The following RAB38 variants were observed in gnomAD, a reference collection of about 807,000 sequenced individuals.
RAB38 encodes the protein RAB38, member RAS oncogene family.
In RAB38, 15 loss-of-function variants were observed where a neutral mutation model predicts 18.4. The observed-to-expected ratio is 0.82, with a 90% CI of 0.55 to 1.26. RAB38 has a LOEUF of 1.26. Ranked by LOEUF, RAB38 falls within the 50% of genes most tolerant of loss-of-function variation. The pLI, the probability that RAB38 is intolerant of heterozygous loss-of-function variation, is 0.00. For missense variants in RAB38, 294 were observed against 267.4 expected (o/e 1.10, Z -0.69); for synonymous variants, 101 against 104.4 (o/e 0.97, Z 0.20).
At chr11:88,134,647 C>T (rs973879533) in intron 2 of RAB38, among the ~76,000 whole-genome samples, 2 of 152,192 alleles carry the variant, frequency 1.3e-5, no homozygotes, top group Non-Finnish European at 2.9e-5. Context: ...AATCCTGTGT[C>T]TGAAGAACAT....
the RAB38 span, among the ~76,000 whole-genome samples, chr11:87,869,010 C>T: frequency 8.6e-4 from 130 of 151,820 alleles, no homozygotes; most frequent in African/African-American, 2.8e-3. Flanking sequence ...AACAGACTGC[C>T]GTGACTTTCT....
At chr11:87,856,456 C>T in the RAB38 span, among the ~76,000 whole-genome samples, 24 of 152,220 alleles carry the variant, frequency 1.6e-4, no homozygotes, top group African/African-American at 5.1e-4. Flanking sequence ...TATTTATTAA[C>T]GTAAGCCACA....
chr11:88,138,231 C>A (rs781446355), intron 2 of RAB38, among the ~76,000 whole-genome samples: 3 of 152,066 alleles, frequency 2.0e-5, no homozygotes, highest in African/African-American at 7.2e-5. Context: ...CTAGTCTCAA[C>A]AGAATAAACA....
the RAB38 span, among the ~76,000 whole-genome samples, chr11:88,021,355 T>C: frequency 1.3e-5 from 2 of 152,146 alleles, no homozygotes; most frequent in East Asian, 1.9e-4. Context: ...GATAAATTCC[T>C]AGACACATAC....
At chr11:87,940,702 G>A in the RAB38 span, among the ~76,000 whole-genome samples, 1 of 152,054 alleles carries the variant, frequency 6.6e-6, no homozygotes, top group African/African-American at 2.4e-5. Flanking sequence ...AGAGTGTAGT[G>A]GTGAAATCTT....
chr11:87,976,778 ATATAT>A, the RAB38 span, among the ~76,000 whole-genome samples: 1 of 92,194 alleles, frequency 1.1e-5, no homozygotes, highest in Admixed American at 1.3e-4. Flanking sequence ...ATATATATTT[ATATAT>A]TATATAATAT....
the RAB38 span, among the ~76,000 whole-genome samples, chr11:88,042,007 C>T: frequency 1.1e-4 from 17 of 152,196 alleles, no homozygotes; most frequent in Non-Finnish European, 2.4e-4. Context: ...CTCCCAAAAC[C>T]CACAACTCAG....
the RAB38 span, among the ~76,000 whole-genome samples, chr11:87,839,111 G>T: frequency 6.6e-6 from 1 of 152,154 alleles, no homozygotes; most frequent in African/African-American, 2.4e-5. Context: ...GGAGCCTAGC[G>T]AAAGATCCTT....
At chr11:88,051,760 T>C in the RAB38 span, among the ~76,000 whole-genome samples, 1 of 152,138 alleles carries the variant, frequency 6.6e-6, no homozygotes, top group South Asian at 2.1e-4. Flanking sequence ...AAACAAAAAA[T>C]AGAAAGTTTC....
At chr11:88,036,509 A>C in the RAB38 span, among the ~76,000 whole-genome samples, 1 of 152,122 alleles carries the variant, frequency 6.6e-6, no homozygotes, top group East Asian at 1.9e-4. Flanking sequence ...AACCAGTGTT[A>C]AAATGTCTAT....
the RAB38 span, among the ~76,000 whole-genome samples, chr11:88,024,920 TTA>T: frequency 1.9e-5 from 1 of 51,814 alleles, no homozygotes; most frequent in Non-Finnish European, 7.5e-5. Flanking sequence ...AAAAAAATAG[TTA>T]GAAAGAATGA....
At chr11:87,959,499 T>C in the RAB38 span, among the ~76,000 whole-genome samples, 1 of 152,190 alleles carries the variant, frequency 6.6e-6, no homozygotes, top group Non-Finnish European at 1.5e-5. Flanking sequence ...ATAATTCCTC[T>C]GTGCTGAGCA....
chr11:87,962,604 T>G, the RAB38 span, among the ~76,000 whole-genome samples: 1 of 152,146 alleles, frequency 6.6e-6, no homozygotes, highest in Admixed American at 6.6e-5. Flanking sequence ...AAGAAATGCC[T>G]TAAGTTTTCA....
At chr11:88,169,292 T>C (rs1350571928) in intron 1 of RAB38, among the ~76,000 whole-genome samples, 1 of 152,218 alleles carries the variant, frequency 6.6e-6, no homozygotes, top group Non-Finnish European at 1.5e-5. Flanking sequence ...AATAGCATCA[T>C]TTACTACTTA....
chr11:87,936,833 C>T, the RAB38 span, among the ~76,000 whole-genome samples: 1 of 151,922 alleles, frequency 6.6e-6, no homozygotes, highest in Admixed American at 6.6e-5. Flanking sequence ...TATTATGCAA[C>T]CTTCCTAAAC....
chr11:88,010,934 T>C, the RAB38 span, among the ~76,000 whole-genome samples: 2 of 152,170 alleles, frequency 1.3e-5, no homozygotes, highest in East Asian at 3.9e-4. Flanking sequence ...ATTCTGCCAG[T>C]CTGGAGGTCT....
At chr11:87,812,025 A>C in the RAB38 span, among the ~76,000 whole-genome samples, 1 of 152,224 alleles carries the variant, frequency 6.6e-6, no homozygotes, top group African/African-American at 2.4e-5. Context: ...TCTGGCTCCA[A>C]AAAGCTTTGC....
At chr11:88,029,933 T>A in the RAB38 span, among the ~76,000 whole-genome samples, 2 of 152,196 alleles carry the variant, frequency 1.3e-5, no homozygotes, top group African/African-American at 4.8e-5. Context: ...TACATTTTTT[T>A]CAGCACCACA....
chr11:87,940,646 A>G, the RAB38 span, among the ~76,000 whole-genome samples: 1 of 151,808 alleles, frequency 6.6e-6, no homozygotes, highest in Non-Finnish European at 1.5e-5. Flanking sequence ...GAGAGAGAGA[A>G]AGAAAGAAAG....
Sources: allele counts gnomAD v4.1 joint callset (sites outside exome capture counted in the v4.1 genomes callset), GRCh38; gene constraint gnomAD v4.1.1; transcripts MANE v1.5; gene names NCBI Gene and HGNC (gene_info 2026-07-23, HGNC 2026-07-21).